The following PGM2L1 variants were observed in gnomAD, a reference collection of about 807,000 sequenced individuals.
The protein encoded by PGM2L1 is glucose 1,6-bisphosphate synthase.
Under a neutral mutation model 73.4 loss-of-function variants are expected in PGM2L1, and 35 were observed. That is an observed-to-expected ratio of 0.48 (90% CI 0.36 to 0.63). The LOEUF is 0.63. Ranked by LOEUF, PGM2L1 falls within the 30% of genes least tolerant of loss-of-function variation. The pLI, the probability that PGM2L1 is intolerant of heterozygous loss-of-function variation, is 0.00. For synonymous variants in PGM2L1, 225 were observed against 253.8 expected, an observed-to-expected ratio of 0.89 and a Z score of 1.08; for missense variants, 570 against 742.0, an observed-to-expected ratio of 0.77 and a Z score of 2.69.
chr11:74,383,229 A>G (rs1862972738), intron 1 of PGM2L1, among the ~76,000 whole-genome samples: 1 of 152,216 alleles, frequency 6.6e-6, no homozygotes, highest in African/African-American at 2.4e-5. Context: ...TTAAAAAATC[A>G]CAATAGAATT....
At chr11:74,388,719 T>C (rs1183725144) in intron 1 of PGM2L1, among the ~76,000 whole-genome samples, 2 of 152,222 alleles carry the variant, frequency 1.3e-5, no homozygotes, top group Non-Finnish European at 2.9e-5. Flanking sequence ...TCCATTGTTT[T>C]GTTTGGTAAG....
At chr11:74,396,222 C>G (rs1414482192) in intron 1 of PGM2L1, among the ~76,000 whole-genome samples, 2 of 147,346 alleles carry the variant, frequency 1.4e-5, no homozygotes, top group Non-Finnish European at 3.0e-5. Context: ...GAGCGGAGAT[C>G]GCGCCACTGC....
chr11:74,359,047 A>G (rs1862509040), intron 5 of PGM2L1, among the ~76,000 whole-genome samples: 1 of 152,194 alleles, frequency 6.6e-6, no homozygotes. Flanking sequence ...CATAGATGAA[A>G]TTAATTTTAT....
At chr11:74,348,555 T>C (rs1041422268) in intron 6 of PGM2L1, among the ~76,000 whole-genome samples, 1 of 152,204 alleles carries the variant, frequency 6.6e-6, no homozygotes, top group Non-Finnish European at 1.5e-5. Flanking sequence ...TTCTTTCCTC[T>C]AATACCGTAT....
chr11:74,375,024 C>CTAA (rs1357510082), intron 1 of PGM2L1, among the ~76,000 whole-genome samples: 3 of 152,088 alleles, frequency 2.0e-5, no homozygotes, highest in Admixed American at 6.6e-5. Flanking sequence ...CTACACCTGG[C>CTAA]TAATACATTA....
intron 5 of PGM2L1, chr11:74,354,526 G>C (rs979606318): frequency 8.0e-6 from 10 of 1,242,672 alleles, no homozygotes; most frequent in South Asian, 2.4e-5. Context: ...CAACCGATGA[G>C]AGCCTGAGGA....
In PGM2L1 at chr11:74,398,219, G is replaced by T; in HGVS notation, c.-58C>A. On this transcript the variant is annotated 5_prime_UTR_variant, in exon 1 of 14. Transcript: ENST00000298198. ...GCGAAGACACTGAGTTGGGGTGGGG[G>T]GTGGCTTGGGGTTCGCTCACCAGGG... is the stretch of plus-strand genomic sequence containing the variant. The T allele has an allele frequency of 1.3e-6, 2 of 1,547,536 alleles. No homozygotes were observed. Among genetic ancestry groups the T allele is most frequent in the Non-Finnish European group, 1.7e-6 (2 of 1,146,244 alleles).
At position 74,398,213 on chromosome 11, in the gene PGM2L1, G is replaced by T. The variant is rs115479879; in HGVS notation, c.-52C>A. The T allele has an allele frequency of 7.0e-6, 11 of 1,561,512 alleles. No individual in the cohort carries two copies. Among genetic ancestry groups the T allele is most frequent in the Non-Finnish European group, 9.5e-6 (11 of 1,152,872 alleles). On this transcript the variant is annotated 5_prime_UTR_variant, in exon 1 of 14. Coordinates refer to ENST00000298198, the MANE Select transcript of PGM2L1 (RefSeq NM_173582.6). ...GGGCCGGCGAAGACACTGAGTTGGG[G>T]TGGGGGGTGGCTTGGGGTTCGCTCA...
chr11:74,356,574 C>T (rs182396657), intron 5 of PGM2L1, among the ~76,000 whole-genome samples: 16 of 152,188 alleles, frequency 1.1e-4, no homozygotes, highest in African/African-American at 1.7e-4. Flanking sequence ...GATACCAATA[C>T]AAATGCCAAA....
Position 74,374,553 on chromosome 11 carries a change from G to T in PGM2L1, c.141C>A (p.Asn47Lys), listed in dbSNP as rs867195560. 6.2e-7 allele frequency: 1 copy of T among 1,613,892 alleles called. No homozygotes were observed. Among genetic ancestry groups the T allele is most frequent in the South Asian group, 1.1e-5 (1 of 91,074 alleles). The change falls in exon 2 of 14, where the codon AAC becomes AAA. Residue 47 changes from asparagine to lysine, a missense_variant. Physicochemically the swap from Asn to Lys is moderately conservative, Grantham distance 94. Coordinates refer to ENST00000298198, the MANE Select transcript of PGM2L1 (RefSeq NM_173582.6). Reference sequence around the variant, plus strand: ...CCTTGTTCATCCCATTCCGTAACAGGTTTTCAATCTGCTCTTTTGTTTTGG... The same window carrying T: ...CCTTGTTCATCCCATTCCGTAACAGTTTTTCAATCTGCTCTTTTGTTTTGG... Reference protein sequence around the residue: ...KNPKTKEQIENLLRNGMNKEL... With the variant: ...KNPKTKEQIEKLLRNGMNKEL...
intron 8 of PGM2L1, among the ~76,000 whole-genome samples, chr11:74,346,404 G>A (rs1223740175): frequency 6.6e-6 from 1 of 151,780 alleles, no homozygotes; most frequent in African/African-American, 2.4e-5. Context: ...ATAAAGTCAG[G>A]GGAAAATGCT....
intron 5 of PGM2L1, among the ~76,000 whole-genome samples, chr11:74,365,519 GA>G (rs1288090261): frequency 1.3e-5 from 2 of 151,898 alleles, no homozygotes; most frequent in South Asian, 2.1e-4. Flanking sequence ...AAATTTACAG[GA>G]AAAAAACAAC....
chr11:74,348,138 C>T (rs958251188), intron 6 of PGM2L1, among the ~76,000 whole-genome samples: 2 of 152,098 alleles, frequency 1.3e-5, no homozygotes, highest in Non-Finnish European at 2.9e-5. Context: ...AAAGGTCAAC[C>T]CCTCTACTTC....
chr11:74,365,648 A>C (rs1241077981), intron 5 of PGM2L1, among the ~76,000 whole-genome samples: 1 of 152,212 alleles, frequency 6.6e-6, no homozygotes, highest in Non-Finnish European at 1.5e-5. Flanking sequence ...AATGCAAATC[A>C]AAACCACAAT....
At chr11:74,360,811 G>C (rs919063770) in intron 5 of PGM2L1, among the ~76,000 whole-genome samples, 4 of 152,220 alleles carry the variant, frequency 2.6e-5, no homozygotes, top group African/African-American at 9.6e-5. Flanking sequence ...TGTTAGCACA[G>C]CAGTCTGAGA....
intron 1 of PGM2L1, among the ~76,000 whole-genome samples, chr11:74,394,796 A>G (rs375257142): frequency 1.3e-5 from 2 of 152,232 alleles, no homozygotes; most frequent in Non-Finnish European, 2.9e-5. Flanking sequence ...AACCGAGACT[A>G]AGATTAGTAA....
At chr11:74,390,120 A>G (rs1200914380) in intron 1 of PGM2L1, among the ~76,000 whole-genome samples, 2 of 15,140 alleles carry the variant, frequency 1.3e-4, no homozygotes, top group Non-Finnish European at 9.5e-4. Flanking sequence ...CTCCGTCTCA[A>G]AAAAAAAAAA....
intron 1 of PGM2L1, among the ~76,000 whole-genome samples, chr11:74,397,081 C>G (rs528635685): frequency 6.6e-5 from 10 of 152,260 alleles, no homozygotes; most frequent in African/African-American, 2.4e-4. Context: ...GAAAGTGAAG[C>G]CTTAAGGAAA....
chr11:74,374,991 G>T (rs944940720), intron 1 of PGM2L1, among the ~76,000 whole-genome samples: 1 of 152,094 alleles, frequency 6.6e-6, no homozygotes. Context: ...CTCTTGAGTA[G>T]CTGGGACTAC....
Sources: allele counts gnomAD v4.1 joint callset (sites outside exome capture counted in the v4.1 genomes callset), GRCh38; gene constraint gnomAD v4.1.1; transcripts MANE v1.5; gene names NCBI Gene and HGNC (gene_info 2026-07-23, HGNC 2026-07-21).